The following DNPEP variants were observed in gnomAD, a reference collection of about 807,000 sequenced individuals.
The protein encoded by DNPEP is aspartyl aminopeptidase.
A neutral mutation model predicts 59.1 loss-of-function variants in DNPEP; 46 were observed. The ratio of observed to expected loss-of-function variants is 0.78; its 90% CI spans 0.61 to 0.99. The LOEUF is 0.99. Ranked by LOEUF, DNPEP falls within the 50% of genes least tolerant of loss-of-function variation. The pLI is 0.00. For synonymous variants in DNPEP, 229 were observed against 242.2 expected (o/e 0.95, Z 0.50); for missense variants, 617 against 649.9 (o/e 0.95, Z 0.55).
At position 219,385,726 on chromosome 2, in the gene DNPEP, G is replaced by T. The variant is rs1438411652; in HGVS notation, c.591-20C>A. 5 of 1,588,060 alleles carry T rather than the reference G, an allele frequency of 3.1e-6. No homozygotes were observed. In the Admixed American group the frequency reaches 5.3e-5, roughly 17 times the overall value. On this transcript the variant is annotated intron_variant, in intron 6 of 14. Transcript: ENST00000273075. ...GGGACTCTGTGGGGAGACGTGGGTT[G>T]TGGGGGGATTGCGAGGAGGGCACAG... is the stretch of plus-strand genomic sequence containing the variant.
intron 13 of DNPEP, among the ~76,000 whole-genome samples, chr2:219,378,530 G>A (rs1953461994): frequency 6.6e-6 from 1 of 152,090 alleles, no homozygotes; most frequent in Admixed American, 6.6e-5. Flanking sequence ...CCTGGGCTGG[G>A]AGTCAGGATA....
chr2:219,382,290 A>G (rs1953637304), intron 10 of DNPEP, 151 bp from the exon 11 acceptor site: 1 of 844,686 alleles, frequency 1.2e-6, no homozygotes, highest in Non-Finnish European at 1.8e-6. Flanking sequence ...TCGTCACTGA[A>G]CACCAGACAG....
Position 219,385,440 on chromosome 2 carries a change from G to A in DNPEP, c.758C>T (p.Ala253Val), listed in dbSNP as rs774191007. 1.2e-6 allele frequency: 2 copies of A among 1,610,678 alleles called. No individual in the cohort carries two copies. The highest frequency in any genetic ancestry group is 1.1e-5 in the South Asian group (1 of 90,998). Reference protein sequence around the residue: ...KDIVEMELCLADTQPAVLGGA... With the variant: ...KDIVEMELCLVDTQPAVLGGA... ...AGTCCTCACCGCAGGCTGGGTGTCT[G>A]CAAGGCAGAGCTCCATCTCCACTAT... The change falls in exon 8 of 15, where the codon GCA (alanine) becomes GTA (valine). Residue 253 changes from alanine (A) to valine (V), a missense_variant. Ala to Val is a moderately conservative substitution (Grantham distance 64). Coordinates refer to ENST00000273075, the MANE Select transcript of DNPEP (RefSeq NM_012100.4).
In DNPEP at chr2:219,385,675, C is replaced by A; in HGVS notation, c.622G>T (p.Glu208Ter). Reference sequence around the variant, plus strand: ...GGCTCAGGAGTCCCCTTCTCCAGCTCCTCCTGGATGGCTGTGGCAAGAATG... The same window carrying A: ...GGCTCAGGAGTCCCCTTCTCCAGCTACTCCTGGATGGCTGTGGCAAGAATG... ...VPILATAIQE[E>*]LEKGTPEPGP... The change falls in exon 7 of 15, where the codon GAG becomes TAG. Residue 208 changes from glutamate to a stop codon, truncating the protein, a stop_gained. Coordinates refer to ENST00000273075, the MANE Select transcript of DNPEP (RefSeq NM_012100.4). LOFTEE classifies it high-confidence loss of function. The A allele has an allele frequency of 6.2e-7, 1 of 1,609,500 alleles. No homozygotes were observed. The highest frequency in any genetic ancestry group is 8.5e-7 in the Non-Finnish European group (1 of 1,177,708).
At chr2:219,381,920 C>A in intron 11 of DNPEP, 59 bp downstream of exon 11, 1 of 1,589,606 alleles carries the variant, frequency 6.3e-7, no homozygotes, top group Non-Finnish European at 8.6e-7. Flanking sequence ...AGCCTCAAGG[C>A]AGGTTATGCT....
At chr2:219,383,612 CAG>C in intron 9 of DNPEP, among the ~76,000 whole-genome samples, 1 of 151,912 alleles carries the variant, frequency 6.6e-6, no homozygotes, top group Non-Finnish European at 1.5e-5. Flanking sequence ...ATGTGGAGGA[CAG>C]AGAGGAAGAG....
upstream of DNPEP, among the ~76,000 whole-genome samples, chr2:219,393,123 A>C (rs1245025190): frequency 2.0e-5 from 3 of 152,184 alleles, no homozygotes; most frequent in Non-Finnish European, 2.9e-5. Flanking sequence ...TTGGGCCACA[A>C]ATAAAATACA....
rs140897621 is a variant in DNPEP at position 219,375,420 on chromosome 2, T to C, written c.1240-398A>G. Among the ~76,000 whole-genome samples, 334 of 152,262 alleles carry C rather than the reference T, an allele frequency of 2.2e-3. 2 individuals carry two copies. The highest frequency in any genetic ancestry group is 7.7e-3 in the African/African-American group (321 of 41,560). ...AAAAAATAAGAAAATGAAAATATGA[T>C]GCTAGATATCAAGGTTTTCAGTGTA... On this transcript the variant is annotated intron_variant, in intron 13 of 14. Coordinates refer to ENST00000273075, the MANE Select transcript of DNPEP (RefSeq NM_012100.4).
At chr2:219,376,467 A>C (rs1953375500) in intron 13 of DNPEP, among the ~76,000 whole-genome samples, 1 of 151,512 alleles carries the variant, frequency 6.6e-6, no homozygotes, top group African/African-American at 2.4e-5. Flanking sequence ...CAGCCTGGGC[A>C]ACAGAGCGAG....
Position 219,374,909 on chromosome 2 carries a change from A to T in DNPEP, c.1353T>A (p.Ser451=). The change falls in exon 14 of 15, where the codon TCT becomes TCA. Residue 451 remains serine (S), a synonymous_variant. Coordinates refer to ENST00000273075, the MANE Select transcript of DNPEP (RefSeq NM_012100.4). ...CTGTGGTGCAGGCCATCTCCCGGAT[A>T]GAGTGCATGGCCAGTTGGGGGCTGC... is the stretch of plus-strand genomic sequence containing the variant. ...DLGSPQLAMH[S]IREMACTTGV... The T allele has an allele frequency of 6.2e-7, 1 of 1,614,196 alleles. No individual in the cohort carries two copies.
chr2:219,390,423 C>T (rs1312430977), upstream of DNPEP, among the ~76,000 whole-genome samples: 1 of 152,008 alleles, frequency 6.6e-6, no homozygotes, highest in Admixed American at 6.6e-5. Flanking sequence ...TAAAAAGGTT[C>T]TTATTGACCA....
chr2:219,386,997 C>G lies in DNPEP; in HGVS notation c.131-17G>C. The G allele has an allele frequency of 6.2e-7, 1 of 1,613,992 alleles. No homozygotes were observed. Among genetic ancestry groups the G allele is most frequent in the Non-Finnish European group, 8.5e-7 (1 of 1,179,926 alleles). ...CAGCCACAGCTGTGGGAAAAGCACC[C>G]TCTCACAGCGATGGAAGCTGGTGAA... On this transcript the variant is annotated splice_polypyrimidine_tract_variant and intron_variant, in intron 2 of 14. Transcript: ENST00000273075.
rs1169694072 is a variant in DNPEP at position 219,380,565 on chromosome 2, C to A, written c.1239+770G>T. Among the ~76,000 whole-genome samples the A allele has an allele frequency of 2.6e-5, 4 of 152,028 alleles. No individual in the cohort carries two copies. In the East Asian group the frequency reaches 5.8e-4, roughly 22 times the overall value. On this transcript the variant is annotated intron_variant, in intron 13 of 14. Transcript: ENST00000273075. ...TTTAGATACACTGACCATTTTGTTA[C>A]AGTTACCTACAGTTTTCAGCACAGT...
chr2:219,382,830 G>A (rs998803741), intron 10 of DNPEP, among the ~76,000 whole-genome samples: 1 of 152,220 alleles, frequency 6.6e-6, no homozygotes, highest in Non-Finnish European at 1.5e-5. Flanking sequence ...ACACACGCAG[G>A]CATCATGAGG....
In DNPEP at chr2:219,380,014, G is replaced by A. The variant is rs1416775864; in HGVS notation, c.1239+1321C>T. Among the ~76,000 whole-genome samples, 4 of 152,050 alleles carry A rather than the reference G, an allele frequency of 2.6e-5. 1 individual carries two copies. Among genetic ancestry groups the A allele is most frequent in the Non-Finnish European group, 4.4e-5 (3 of 68,018 alleles). On this transcript the variant is annotated intron_variant, in intron 13 of 14. Transcript: ENST00000273075. ...ATACAATTTTCAAAATAAATGTAGT[G>A]TAGCCTAAGTGTCCGGCATTGATAA...
At position 219,386,931 on chromosome 2, in the gene DNPEP, G is replaced by A. The variant is rs771343670; in HGVS notation, c.180C>T (p.Leu60=). Residue 60 remains leucine (L), a synonymous_variant, in exon 3 of 15, where the codon CTC becomes CTT. Coordinates refer to ENST00000273075, the MANE Select transcript of DNPEP (RefSeq NM_012100.4). ...NRLLQAGFSE[L]KETEKWNIKP... is the part of the protein sequence containing the mutation. ...TAATATTCCATTTCTCAGTCTCCTT[G>A]AGTTCACTGAAGCCAGCCTGGAGAA... The A allele has an allele frequency of 2.5e-5, 41 of 1,611,724 alleles. No individual in the cohort carries two copies. The Admixed American group carries it at 6.8e-4, about 27-fold the overall frequency.
intron 1 of DNPEP, among the ~76,000 whole-genome samples, chr2:219,396,716 G>A (rs538190998): frequency 1.5e-4 from 23 of 152,130 alleles, no homozygotes; most frequent in African/African-American, 5.1e-4. Flanking sequence ...TGCTAAATCT[G>A]GCAAACCTAG....
At chr2:219,377,079 G>T (rs1401445228) in intron 13 of DNPEP, among the ~76,000 whole-genome samples, 1 of 151,914 alleles carries the variant, frequency 6.6e-6, no homozygotes. Context: ...TTCAAGACCA[G>T]TCTGGCCAAT....
At chr2:219,395,036 A>G (rs573560587) in intron 1 of DNPEP, among the ~76,000 whole-genome samples, 34 of 151,798 alleles carry the variant, frequency 2.2e-4, no homozygotes, top group Non-Finnish European at 4.0e-4. Context: ...GTTCACTGCA[A>G]CCTCCACCTC....
Sources: gnomAD v4.1 joint callset for allele counts (sites outside exome capture counted in the v4.1 genomes callset) on GRCh38, gnomAD v4.1.1 for gene constraint, MANE v1.5 for transcripts, NCBI Gene and HGNC (gene_info 2026-07-23, HGNC 2026-07-21) for gene names.